Variants in UTRN observed in about 807,000 individuals in gnomAD.
The protein encoded by UTRN is dystrophin-related protein 1.
UTRN carries 283 observed loss-of-function variants against 463.9 expected under a neutral mutation model. The ratio of observed to expected loss-of-function variants is 0.61; its 90% confidence interval spans 0.55 to 0.67. The LOEUF (loss-of-function observed/expected upper bound fraction) is 0.67. UTRN is among the 30% of genes least tolerant of loss of function. UTRN has a pLI of 0.00. For synonymous variants in UTRN, 1,442 were observed against 1,431.5 expected (o/e 1.01, Z -0.17); for missense variants, 3,922 against 4,084.3 (o/e 0.96, Z 1.08).
Position 144,421,977 on chromosome 6 carries a change from A to C in UTRN, c.234+7A>C. 6.2e-7 allele frequency: 1 copy of C among 1,606,630 alleles called. No homozygotes were observed. The highest frequency in any genetic ancestry group is 2.3e-5 in the East Asian group (1 of 44,236). Reference sequence around the variant, plus strand: ...CCTCACAGGAACATCACTGGTGAGCAAGTCATCTTTGTAAACAACGGAGTC... The same window carrying C: ...CCTCACAGGAACATCACTGGTGAGCCAGTCATCTTTGTAAACAACGGAGTC... On this transcript the variant is annotated splice_region_variant and intron_variant, in intron 4 of 74. Transcript: ENST00000367545.
intron 2 of UTRN, among the ~76,000 whole-genome samples, chr6:144,361,922 A>C (rs1266272773): frequency 6.6e-6 from 1 of 152,072 alleles, no homozygotes; most frequent in Non-Finnish European, 1.5e-5. Flanking sequence ...TGCCTGTTTC[A>C]TTAGAGAGAC....
chr6:144,655,284 T>A (rs888816806), intron 51 of UTRN, among the ~76,000 whole-genome samples: 1 of 152,228 alleles, frequency 6.6e-6, no homozygotes, highest in African/African-American at 2.4e-5. Context: ...TGATGTTAAC[T>A]TGAAAGTCGA....
chr6:144,488,834 G>A lies in UTRN; in HGVS notation c.4134G>A (p.Gln1378=). Reference sequence around the variant, plus strand: ...CTTTCCAAGTTCCACAGGAAGCTCAGGTATTGCCGTGCATTTGAGGGCTTT... The same window carrying A: ...CTTTCCAAGTTCCACAGGAAGCTCAAGTATTGCCGTGCATTTGAGGGCTTT... The part of the protein sequence containing the change: ...IDAFQVPQEA[Q]KIQAEISAHE... The change falls in exon 30 of 75, where the codon CAG becomes CAA. Residue 1378 remains glutamine (Q), a splice_region_variant and synonymous_variant. Transcript: ENST00000367545. 1 of 1,586,698 alleles carries A rather than the reference G, an allele frequency of 6.3e-7. No individual in the cohort carries two copies.
intron 71 of UTRN, among the ~76,000 whole-genome samples, chr6:144,836,792 T>G (rs1781144857): frequency 6.6e-6 from 1 of 152,212 alleles, no homozygotes; most frequent in Admixed American, 6.5e-5. Context: ...CCGCCTCAGC[T>G]CTGAACTGTT....
chr6:144,479,763 T>G (rs750826172), intron 25 of UTRN, 49 bp from the exon 26 acceptor site: 2 of 1,566,772 alleles, frequency 1.3e-6, no homozygotes, highest in Non-Finnish European at 1.7e-6. Context: ...AACTTGACAT[T>G]GAACACATTA....
At chr6:144,587,203 T>G (rs1395951935) in intron 51 of UTRN, among the ~76,000 whole-genome samples, 1 of 152,216 alleles carries the variant, frequency 6.6e-6, no homozygotes, top group Admixed American at 6.5e-5. Flanking sequence ...CCTGGCCTTC[T>G]AGGGGGCTTG....
chr6:144,319,088 T>A (rs1292195315), intron 2 of UTRN, among the ~76,000 whole-genome samples: 2 of 152,060 alleles, frequency 1.3e-5, no homozygotes, highest in African/African-American at 4.8e-5. Context: ...CAAACAAAAA[T>A]AAATTTGCTT....
chr6:144,401,281 T>G (rs1782917079), intron 2 of UTRN, among the ~76,000 whole-genome samples: 1 of 152,308 alleles, frequency 6.6e-6, no homozygotes, highest in Admixed American at 6.5e-5. Context: ...AATAATTGGA[T>G]TTTCCAAATG....
intron 43 of UTRN, among the ~76,000 whole-genome samples, chr6:144,536,990 G>A (rs1482172006): frequency 6.6e-6 from 1 of 151,700 alleles, no homozygotes; most frequent in Non-Finnish European, 1.5e-5. Flanking sequence ...TTGTAACAGT[G>A]CTCTATTCAA....
intron 53 of UTRN, among the ~76,000 whole-genome samples, chr6:144,703,740 C>T (rs1422126738): frequency 6.6e-6 from 1 of 152,050 alleles, no homozygotes; most frequent in South Asian, 2.1e-4. Context: ...AGAGGTGTTA[C>T]AGTGGCATGA....
Position 144,499,350 on chromosome 6 carries a change from A to G in UTRN, c.4687A>G (p.Thr1563Ala), listed in dbSNP as rs765471444. 2.1e-5 allele frequency: 34 copies of G among 1,613,980 alleles called. No individual in the cohort carries two copies. The East Asian group carries it at 7.4e-4, about 35-fold the overall frequency. Residue 1563 changes from threonine (T) to alanine (A), a missense_variant, in exon 34 of 75, where the codon ACT becomes GCT. Physicochemically the swap from Thr to Ala is moderately conservative, Grantham distance 58. Transcript: ENST00000367545. ...TTCTCTCTCTGAATGGCTTTCTGCTACTGAAACTGAATTGGTACAGAAGTC... is the reference window on the plus strand; with the variant it reads ...TTCTCTCTCTGAATGGCTTTCTGCTGCTGAAACTGAATTGGTACAGAAGTC... ...AASLSEWLSA[T>A]ETELVQKSTS...
At chr6:144,461,081 A>G in intron 21 of UTRN, 116 bp from the exon 22 acceptor site, 1 of 826,422 alleles carries the variant, frequency 1.2e-6, no homozygotes, top group Non-Finnish European at 1.7e-6. Flanking sequence ...ACCCTTTTAC[A>G]TTTTAATCAT....
chr6:144,441,311 G>A (rs149742504), intron 13 of UTRN, among the ~76,000 whole-genome samples: 2,072 of 152,246 alleles, frequency 0.014, 37 homozygotes, highest in South Asian at 0.089. Context: ...GCTACAATGG[G>A]GGCACAGGCA....
At chr6:144,675,041 T>G (rs1308743307) in intron 51 of UTRN, among the ~76,000 whole-genome samples, 1 of 152,228 alleles carries the variant, frequency 6.6e-6, no homozygotes, top group Admixed American at 6.5e-5. Context: ...TTTTTTCATA[T>G]TACCAGAACT....
intron 53 of UTRN, among the ~76,000 whole-genome samples, chr6:144,707,352 A>G (rs941192154): frequency 5.9e-5 from 9 of 152,188 alleles, no homozygotes; most frequent in Non-Finnish European, 1.3e-4. Flanking sequence ...GGAGATTGAG[A>G]TAGTTGACTT....
intron 51 of UTRN, among the ~76,000 whole-genome samples, chr6:144,624,957 A>T (rs898911206): frequency 7.9e-5 from 12 of 152,182 alleles, no homozygotes; most frequent in African/African-American, 2.9e-4. Flanking sequence ...CTGAGGGCAG[A>T]GTCAGAAGAG....
chr6:144,685,653 G>A (rs1782674269), intron 52 of UTRN, among the ~76,000 whole-genome samples: 1 of 152,080 alleles, frequency 6.6e-6, no homozygotes, highest in African/African-American at 2.4e-5. Context: ...TTGCCCAGTT[G>A]TATATCTTCT....
chr6:144,370,367 G>A (rs1307055233), intron 2 of UTRN, among the ~76,000 whole-genome samples: 1 of 152,192 alleles, frequency 6.6e-6, no homozygotes, highest in Non-Finnish European at 1.5e-5. Context: ...TGATTCAAAG[G>A]GTGCAAGCCC....
intron 21 of UTRN, among the ~76,000 whole-genome samples, chr6:144,460,667 G>A (rs1327865237): frequency 6.6e-6 from 1 of 152,184 alleles, no homozygotes; most frequent in Non-Finnish European, 1.5e-5. Flanking sequence ...CCACGCAAGT[G>A]TTACTTCTGT....
Sources: gnomAD v4.1 joint callset for allele counts (sites outside exome capture counted in the v4.1 genomes callset) on GRCh38, gnomAD v4.1.1 for gene constraint, MANE v1.5 for transcripts, NCBI Gene and HGNC (gene_info 2026-07-23, HGNC 2026-07-21) for gene names.